Variants in MARCHF8 observed in about 807,000 individuals in gnomAD.
MARCHF8 encodes the protein membrane associated ring-CH-type finger 8, also known as E3 ubiquitin-protein ligase MARCHF8.
In MARCHF8, 40 loss-of-function variants were observed where a neutral mutation model predicts 51.6. The ratio of observed to expected loss-of-function variants is 0.77; its 90% CI spans 0.60 to 1.01. The LOEUF (loss-of-function observed/expected upper bound fraction) is 1.01, where lower values mean the gene tolerates loss of function less well. Ranked by LOEUF, MARCHF8 falls within the 50% of genes least tolerant of loss-of-function variation. The pLI is 0.00. For missense variants in MARCHF8, 685 were observed against 708.6 expected (o/e 0.97, Z 0.38); for synonymous variants, 263 against 280.3 (o/e 0.94, Z 0.62).
At chr10:45,475,124 A>G (rs889144580) in intron 3 of MARCHF8, among the ~76,000 whole-genome samples, 2 of 152,222 alleles carry the variant, frequency 1.3e-5, no homozygotes, top group Admixed American at 6.5e-5. Flanking sequence ...CAGCCATTGC[A>G]GCAGCTAGCT....
At chr10:45,469,606 C>T (rs1843090227) in intron 3 of MARCHF8, among the ~76,000 whole-genome samples, 1 of 152,162 alleles carries the variant, frequency 6.6e-6, no homozygotes, top group Admixed American at 6.5e-5. Flanking sequence ...TGGCTCACGC[C>T]TGTAATCCCA....
At chr10:45,467,038 C>T (rs1842991660) in intron 3 of MARCHF8, among the ~76,000 whole-genome samples, 1 of 152,182 alleles carries the variant, frequency 6.6e-6, no homozygotes, top group Admixed American at 6.5e-5. Flanking sequence ...ATGACAGTGA[C>T]AGCGGACCCA....
chr10:45,503,208 C>A (rs908066285), intron 2 of MARCHF8, among the ~76,000 whole-genome samples: 2 of 152,048 alleles, frequency 1.3e-5, no homozygotes, highest in Non-Finnish European at 2.9e-5. Context: ...ACTGCAATTA[C>A]AGGACACAAA....
chr10:45,458,356 A>C lies in MARCHF8; in HGVS notation c.1605T>G (p.Ser535=). 6.2e-7 allele frequency: 1 copy of C among 1,614,162 alleles called. No individual in the cohort carries two copies. Among genetic ancestry groups the C allele is most frequent in the Non-Finnish European group, 8.5e-7 (1 of 1,180,026 alleles). The part of the protein sequence containing the change: ...ETSKKNIFEK[S]PLTEPNFENK... ...TTTCAAAGTTGGGCTCTGTTAGTGGAGATTTTTCAAAAATATTCTTTTTGC... is the reference window on the plus strand; with the variant it reads ...TTTCAAAGTTGGGCTCTGTTAGTGGCGATTTTTCAAAAATATTCTTTTTGC... Residue 535 remains serine, a synonymous_variant, in exon 8 of 8, where the codon TCT becomes TCG. Transcript: ENST00000453424.
intron 1 of MARCHF8, among the ~76,000 whole-genome samples, chr10:45,551,408 AT>A (rs879436409): frequency 1.7e-4 from 25 of 147,058 alleles, no homozygotes; most frequent in African/African-American, 2.7e-4. Flanking sequence ...TAGAGATGCA[AT>A]TTTTTTTTTT....
chr10:45,590,517 T>A (rs909281362), intron 1 of MARCHF8, among the ~76,000 whole-genome samples: 8 of 152,188 alleles, frequency 5.3e-5, no homozygotes, highest in South Asian at 2.1e-4. Context: ...GTTACTGGTG[T>A]ACGCACCTGA....
At position 45,535,319 on chromosome 10, in the gene MARCHF8, C is replaced by G. The variant is rs553303208; in HGVS notation, c.-187G>C. On this transcript the variant is annotated 5_prime_UTR_variant, in exon 1 of 8. Coordinates refer to ENST00000453424, the MANE Select transcript of MARCHF8 (RefSeq NM_001282866.2). Reference sequence around the variant, plus strand: ...ATTACAGATGACAAACTCCATGGGGCCTCTTGGAATACTTGGTCAAACTGA... The same window carrying G: ...ATTACAGATGACAAACTCCATGGGGGCTCTTGGAATACTTGGTCAAACTGA... The G allele has an allele frequency of 3.9e-5, 6 of 152,298 alleles. No individual in the cohort carries two copies. The East Asian group carries it at 1.2e-3, about 29-fold the overall frequency. 9.4% of individuals were successfully genotyped at this position (152,298 alleles called of 1,614,324 possible).
At position 45,458,277 on chromosome 10, in the gene MARCHF8, C is replaced by G. The variant is rs1415584534; in HGVS notation, c.1684G>C (p.Glu562Gln). 3 of 1,613,774 alleles carry G rather than the reference C, an allele frequency of 1.9e-6. No individual in the cohort carries two copies. The highest frequency in any genetic ancestry group is 2.2e-5 in the South Asian group (2 of 91,054). ...HSDTNSSCCTEPEDTGAEIIH... is the reference protein window; with the variant it reads ...HSDTNSSCCTQPEDTGAEIIH... ...ATTTCTGCTCCAGTGTCTTCAGGCT[C>G]TGTGCAACAAGAAGAGTTTGTGTCG... Residue 562 changes from glutamate to glutamine, a missense_variant, in exon 8 of 8, where the codon GAG (glutamate) becomes CAG (glutamine). Transcript: ENST00000453424.
At chr10:45,517,532 G>A (rs2043639508) in intron 2 of MARCHF8, among the ~76,000 whole-genome samples, 1 of 152,116 alleles carries the variant, frequency 6.6e-6, no homozygotes, top group Non-Finnish European at 1.5e-5. Flanking sequence ...TCTTGCTCCT[G>A]CTCTCGCCAT....
chr10:45,466,842 C>A (rs1383075064), intron 3 of MARCHF8, among the ~76,000 whole-genome samples: 1 of 152,152 alleles, frequency 6.6e-6, no homozygotes, highest in African/African-American at 2.4e-5. Flanking sequence ...TCTGGGGTAA[C>A]GATTCCATCC....
chr10:45,530,946 A>C (rs2043871857), intron 2 of MARCHF8, among the ~76,000 whole-genome samples: 1 of 152,228 alleles, frequency 6.6e-6, no homozygotes, highest in African/African-American at 2.4e-5. Flanking sequence ...GGAAGATATA[A>C]AAAAGATCCA....
At chr10:45,485,787 G>C (rs527629507) in intron 3 of MARCHF8, among the ~76,000 whole-genome samples, 4 of 152,306 alleles carry the variant, frequency 2.6e-5, no homozygotes, top group African/African-American at 7.2e-5. Context: ...GCTGACCCCA[G>C]CTGGGGTCTA....
At chr10:45,555,747 AAAAAAAAAAAAG>A (rs1382438901) in intron 1 of MARCHF8, among the ~76,000 whole-genome samples, 4 of 151,284 alleles carry the variant, frequency 2.6e-5, no homozygotes, top group Admixed American at 2.6e-4. Flanking sequence ...CTGTCTCAAA[AAAAAAAAAAAAG>A]AAAAAGAAAA....
chr10:45,582,086 G>C lies in MARCHF8; in HGVS notation c.-79+12149C>G, dbSNP rs189685796. ...TTATCATGCCATAATGTCCACCTAT[G>C]GGAGGCCAAAAGGTTAGAGAAGCCA... On this transcript the variant is annotated intron_variant, in intron 1 of 6. Transcript: ENST00000319836. Among the ~76,000 whole-genome samples, 103 of 152,238 alleles carry C rather than the reference G, an allele frequency of 6.8e-4. 1 individual carries two copies. Among genetic ancestry groups the C allele is most frequent in the African/African-American group, 2.4e-3 (100 of 41,544 alleles).
Position 45,458,116 on chromosome 10 carries a change from C to CA in MARCHF8, c.*122dup. ...AAGGAGGGTTTAGAAAAAGAGAAGC[C>CA]ACTATAAATAGTCACCTGTCCAGTC... On this transcript the variant is annotated 3_prime_UTR_variant, in exon 8 of 8. Coordinates refer to ENST00000453424, the MANE Select transcript of MARCHF8 (RefSeq NM_001282866.2). 3.9e-6 allele frequency: 4 copies of CA among 1,028,066 alleles called. No homozygotes were observed. The highest frequency in any genetic ancestry group is 5.5e-6 in the Non-Finnish European group (4 of 730,428). 63.7% of individuals were successfully genotyped at this position (1,028,066 alleles called of 1,614,324 possible). A position where few individuals can be genotyped will look rare whatever the true frequency, so the allele number is the denominator to read the frequency against.
intron 1 of MARCHF8, among the ~76,000 whole-genome samples, chr10:45,592,652 T>C (rs905256670): frequency 6.6e-6 from 1 of 152,100 alleles, no homozygotes; most frequent in African/African-American, 2.4e-5. Context: ...AAACCACAAG[T>C]GAATCAACGA....
At chr10:45,536,299 G>A (rs10466245), upstream of MARCHF8, among the ~76,000 whole-genome samples, 33,204 of 151,892 alleles carry the variant, frequency 0.22, 3,969 homozygotes, top group Admixed American at 0.29. Context: ...CACTTCTTGG[G>A]GAAAGAGTAC....
intron 1 of MARCHF8, among the ~76,000 whole-genome samples, chr10:45,588,833 C>A (rs2044645942): frequency 6.6e-6 from 1 of 151,772 alleles, no homozygotes; most frequent in African/African-American, 2.4e-5. Context: ...CCCGTCTCTA[C>A]TAAAAATACA....
intron 2 of MARCHF8, among the ~76,000 whole-genome samples, chr10:45,518,789 G>A (rs1366449448): frequency 6.6e-6 from 1 of 152,184 alleles, no homozygotes; most frequent in African/African-American, 2.4e-5. Context: ...CACTGGTATG[G>A]TTCTAGAGCC....
Sources: gnomAD v4.1 joint callset for allele counts (sites outside exome capture counted in the v4.1 genomes callset) on GRCh38, gnomAD v4.1.1 for gene constraint, MANE v1.5 for transcripts, NCBI Gene and HGNC (gene_info 2026-07-23, HGNC 2026-07-21) for gene names.